Variants in SKOR2 observed in about 807,000 individuals in gnomAD.
SKOR2 encodes LBX1 corepressor 1-like protein.
A neutral mutation model predicts 69.1 loss-of-function variants in SKOR2; 47 were observed. The observed-to-expected ratio is 0.68, with a 90% CI of 0.54 to 0.87. The LOEUF (loss-of-function observed/expected upper bound fraction) is 0.87, where lower values mean the gene tolerates loss of function less well. Ranked by LOEUF, SKOR2 falls within the 40% of genes least tolerant of loss-of-function variation. The pLI, the probability that SKOR2 is intolerant of heterozygous loss-of-function variation, is 0.00. For synonymous variants in SKOR2, 717 were observed against 672.6 expected (o/e 1.07, Z -1.02); for missense variants, 1,404 against 1,472.2 (o/e 0.95, Z 0.76).
Position 47,231,228 on chromosome 18 carries a change from C to G in SKOR2, c.2753-228G>C. 3 of 1,482,774 alleles carry G rather than the reference C, an allele frequency of 2.0e-6. No homozygotes were observed. The South Asian group carries it at 3.7e-5, about 18-fold the overall frequency. 91.9% of individuals were successfully genotyped at this position (1,482,774 alleles called of 1,614,324 possible). ...GCCTGCCTGGCCTGTGATGGCAGCT[C>G]CCGAAAAGCAGATTCTTGAAGTTAT... is the stretch of plus-strand genomic sequence containing the variant. On this transcript the variant is annotated intron_variant, in intron 4 of 8. Coordinates refer to ENST00000425639, the MANE Select transcript of SKOR2 (RefSeq NM_001278063.4).
In SKOR2 at chr18:47,247,576, CACT is replaced by C; in HGVS notation, c.1605_1607del (p.Val536del). On this transcript the variant is annotated inframe_deletion, in exon 2 of 9. Coordinates refer to ENST00000425639, the MANE Select transcript of SKOR2 (RefSeq NM_001278063.4). The surrounding 1 kb of genome is among the most constrained non-coding windows in gnomAD (Gnocchi z 6.6). ...GTGGGCCGGAGCCCGGGCCGTTGGC[CACT>C]ACCTGCGGGGGCTGCCCCGGCGGGG... 1 of 1,248,894 alleles carries C rather than the reference CACT, an allele frequency of 8.0e-7. No individual in the cohort carries two copies. The allele number at this position is 1,248,894 out of a possible 1,614,324, so 77.4% of individuals were successfully genotyped here.
intron 6 of SKOR2, among the ~76,000 whole-genome samples, chr18:47,223,826 C>A (rs1212578456): frequency 6.6e-6 from 1 of 151,664 alleles, no homozygotes; most frequent in African/African-American, 2.4e-5. Flanking sequence ...TTTTCCACAA[C>A]AAGGATGTGT....
In SKOR2 at chr18:47,247,833, A is replaced by G. The variant is rs2064288069; in HGVS notation, c.1351T>C (p.Ser451Pro). 6 of 1,381,096 alleles carry G rather than the reference A, an allele frequency of 4.3e-6. No homozygotes were observed. In the South Asian group the frequency reaches 9.9e-5, roughly 23 times the overall value. The allele number at this position is 1,381,096 out of a possible 1,614,324, so 85.6% of individuals were successfully genotyped here. Residue 451 changes from serine (S) to proline (P), a missense_variant, in exon 2 of 9, where the codon TCC becomes CCC. By Grantham distance (74) the Ser-to-Pro change is moderately conservative (BLOSUM62 -1). Coordinates refer to ENST00000425639, the MANE Select transcript of SKOR2 (RefSeq NM_001278063.4). The surrounding 1 kb of genome is among the most constrained non-coding windows in gnomAD (Gnocchi z 6.6). ...GAGAAPKAGL[S>P]GLFWPAGRKD... ...CGGCCCGCGGGCCAGAAGAGGCCGG[A>G]CAAGCCGGCCTTGGGCGCCGCGCCC...
Position 47,246,897 on chromosome 18 carries a change from G to A in SKOR2, c.2287C>T (p.Pro763Ser). 1.3e-6 allele frequency: 2 copies of A among 1,491,334 alleles called. No homozygotes were observed. Among genetic ancestry groups the A allele is most frequent in the South Asian group, 1.3e-5 (1 of 78,832 alleles). The allele number at this position is 1,491,334 out of a possible 1,614,324, so 92.4% of individuals were successfully genotyped here. A position where few individuals can be genotyped will look rare whatever the true frequency, so the allele number is the denominator to read the frequency against. The change falls in exon 2 of 9, where the codon CCT becomes TCT. Residue 763 changes from proline (P) to serine (S), a missense_variant. This residue lies in a region of SKOR2 where 1,266 missense variants were observed against 1,309.9 expected (regional missense o/e 0.97). Transcript: ENST00000425639. ...EGEEEEEGRD[P>S]DDDEEEDEET... ...TCGTCCTCTTCCTCGTCGTCGTCAG[G>A]GTCTCGACCTTCCTCCTCTTCCTCG...
At chr18:47,244,825 A>G in intron 4 of SKOR2, 83 bp downstream of exon 4, 1 of 1,292,338 alleles carries the variant, frequency 7.7e-7, no homozygotes, top group South Asian at 1.4e-5. Flanking sequence ...CCCTTGTACT[A>G]AATATTCAGT....
intron 8 of SKOR2, among the ~76,000 whole-genome samples, chr18:47,210,809 C>T (rs2064125611): frequency 6.6e-6 from 1 of 152,088 alleles, no homozygotes; most frequent in African/African-American, 2.4e-5. Flanking sequence ...CATCTGCTCA[C>T]CAAGAACAAT....
At chr18:47,209,487 G>A (rs1484880592) in intron 8 of SKOR2, among the ~76,000 whole-genome samples, 3 of 152,150 alleles carry the variant, frequency 2.0e-5, no homozygotes, top group Admixed American at 2.0e-4. Context: ...ATGATTCTCT[G>A]CTTGGCTGAT....
At chr18:47,219,731 A>G (rs1415045627) in intron 7 of SKOR2, among the ~76,000 whole-genome samples, 1 of 152,206 alleles carries the variant, frequency 6.6e-6, no homozygotes, top group African/African-American at 2.4e-5. Context: ...GTCTATTAAC[A>G]CATGGTAGGT....
At chr18:47,229,311 T>TA (rs888134417) in intron 6 of SKOR2, among the ~76,000 whole-genome samples, 1 of 152,128 alleles carries the variant, frequency 6.6e-6, no homozygotes, top group Non-Finnish European at 1.5e-5. Flanking sequence ...GCTGACATTC[T>TA]AAAAAAGTGC....
chr18:47,247,458 G>A lies in SKOR2; in HGVS notation c.1726C>T (p.Pro576Ser). ...CCGGCAGCTGCCACAGAGTCCGCGGGCGGCGTGGAGCCCGCGCTGCAGTCC... is the reference window on the plus strand; with the variant it reads ...CCGGCAGCTGCCACAGAGTCCGCGGACGGCGTGGAGCCCGCGCTGCAGTCC... ...GGDCSAGSTP[P>S]ADSVAAAGAG... The change falls in exon 2 of 9, where the codon CCC (proline) becomes TCC (serine). Residue 576 changes from proline (P) to serine (S), a missense_variant. Physicochemically the swap from Pro to Ser is moderately conservative, Grantham distance 74 (BLOSUM62 -1). This residue lies in a region of SKOR2 where 1,266 missense variants were observed against 1,309.9 expected (regional missense o/e 0.97). Transcript: ENST00000425639. The surrounding 1 kb of genome is among the most constrained non-coding windows in gnomAD (Gnocchi z 6.6). 2.4e-6 allele frequency: 3 copies of A among 1,233,862 alleles called. No individual in the cohort carries two copies. Among genetic ancestry groups the A allele is most frequent in the Non-Finnish European group, 3.0e-6 (3 of 989,412 alleles). The allele number at this position is 1,233,862 out of a possible 1,614,324, so 76.4% of individuals were successfully genotyped here. A position where few individuals can be genotyped will look rare whatever the true frequency, so the allele number is the denominator to read the frequency against.
chr18:47,233,361 C>T (rs540656886), intron 4 of SKOR2, among the ~76,000 whole-genome samples: 26 of 152,124 alleles, frequency 1.7e-4, no homozygotes, highest in African/African-American at 6.3e-4. Flanking sequence ...AATGCAATTC[C>T]TAGAAAAACA....
chr18:47,251,270 C>T (rs1461452917), intron 1 of SKOR2, 104 bp downstream of exon 1: 1 of 152,324 alleles, frequency 6.6e-6, no homozygotes, highest in South Asian at 2.1e-4. Flanking sequence ...CACGGAAGCC[C>T]ACCGCTGCCC....
rs746605933 is a variant in SKOR2 at position 47,246,927 on chromosome 18, C to T, written c.2257G>A (p.Glu753Lys). The part of the protein sequence containing the change: ...EVDVEGHKPP[E>K]GEEEEEGRDP... ...CGACCTTCCTCCTCTTCCTCGCCCT[C>T]GGGGGGCTTGTGGCCCTCCACGTCC... Residue 753 changes from glutamate (E) to lysine (K), a missense_variant, in exon 2 of 9, where the codon GAG becomes AAG. Glu to Lys is a moderately conservative substitution (Grantham distance 56, BLOSUM62 1). Transcript: ENST00000425639. 8 of 1,496,196 alleles carry T rather than the reference C, an allele frequency of 5.3e-6. No homozygotes were observed. Among genetic ancestry groups the T allele is most frequent in the Middle Eastern group, 1.7e-4 (1 of 5,846 alleles). 92.7% of individuals were successfully genotyped at this position (1,496,196 alleles called of 1,614,324 possible).
rs1250741030 is a variant in SKOR2 at position 47,246,916 on chromosome 18, T to C, written c.2268A>G (p.Glu756=). Reference sequence around the variant, plus strand: ...CGTCAGGGTCTCGACCTTCCTCCTCTTCCTCGCCCTCGGGGGGCTTGTGGC... The same window carrying C: ...CGTCAGGGTCTCGACCTTCCTCCTCCTCCTCGCCCTCGGGGGGCTTGTGGC... ...VEGHKPPEGE[E]EEEGRDPDDD... is the part of the protein sequence containing the mutation. Residue 756 remains glutamate, a synonymous_variant, in exon 2 of 9, where the codon GAA becomes GAG. Transcript: ENST00000425639. 2.0e-6 allele frequency: 3 copies of C among 1,492,010 alleles called. No homozygotes were observed. Among genetic ancestry groups the C allele is most frequent in the Non-Finnish European group, 1.8e-6 (2 of 1,127,308 alleles). 92.4% of individuals were successfully genotyped at this position (1,492,010 alleles called of 1,614,324 possible). A position where few individuals can be genotyped will look rare whatever the true frequency, so the allele number is the denominator to read the frequency against.
chr18:47,235,793 A>C (rs796553739), intron 4 of SKOR2, among the ~76,000 whole-genome samples: 4 of 150,934 alleles, frequency 2.7e-5, no homozygotes, highest in Non-Finnish European at 3.0e-5. Context: ...AAAAAAAAAA[A>C]AAAAAAAACA....
chr18:47,241,715 T>G (rs1370968350), intron 4 of SKOR2, among the ~76,000 whole-genome samples: 1 of 152,214 alleles, frequency 6.6e-6, no homozygotes, highest in Admixed American at 6.5e-5. Flanking sequence ...AGCCTTCACC[T>G]GAAATTTGCT....
chr18:47,247,078 G>C lies in SKOR2; in HGVS notation c.2106C>G (p.Pro702=), dbSNP rs1448272353. ...GGTGCTGGGCCAGAGGGGGCGGCGG[G>C]GGCGGCGGCGGCGGCGGCGGCGGGG... ...HPAPPPPPPP[P]PPPPLAQHPH... is the part of the protein sequence containing the mutation. The change falls in exon 2 of 9, where the codon CCC becomes CCG. Residue 702 remains proline (P), a synonymous_variant. Transcript: ENST00000425639. This position sits in a 1 kb window ranked among gnomAD's most constrained non-coding sequence, Gnocchi z 6.6. The C allele has an allele frequency of 3.3e-5, 45 of 1,369,118 alleles. No individual in the cohort carries two copies. The highest frequency in any genetic ancestry group is 1.7e-4 in the African/African-American group (11 of 65,624). 84.8% of individuals were successfully genotyped at this position (1,369,118 alleles called of 1,614,324 possible).
intron 5 of SKOR2, 33 bp from the exon 6 acceptor site, chr18:47,230,590 C>A: frequency 1.6e-6 from 2 of 1,277,558 alleles, no homozygotes; most frequent in South Asian, 2.0e-5. Context: ...TTTTACTAAT[C>A]TTTACAAATA....
chr18:47,220,122 A>G, intron 6 of SKOR2, 112 bp from the exon 7 acceptor site: 1 of 808,034 alleles, frequency 1.2e-6, no homozygotes, highest in East Asian at 2.7e-5. Flanking sequence ...ACTTTTAAGT[A>G]TTTTTTTCAT....
Sources: gnomAD v4.1 joint callset for allele counts (sites outside exome capture counted in the v4.1 genomes callset) on GRCh38, gnomAD v4.1.1 for gene constraint, gnomAD v4.1.1 regional missense constraint, Gnocchi (gnomAD v3.1) non-coding constraint, MANE v1.5 for transcripts, NCBI Gene and HGNC (gene_info 2026-07-23, HGNC 2026-07-21) for gene names.